SZT2: variants seen among roughly 807,000 people sequenced by gnomAD.
SZT2 encodes SZT2 subunit of KICSTOR complex.
SZT2 carries 216 observed loss-of-function variants against 404.2 expected under a neutral mutation model. The ratio of observed to expected loss-of-function variants is 0.53; its 90% confidence interval spans 0.48 to 0.60. SZT2 has a LOEUF of 0.60. Among genes scored for constraint, SZT2 ranks in the 20% least tolerant of loss-of-function variants. The pLI is 0.00. For synonymous variants in SZT2, 1,693 were observed against 1,749.9 expected (o/e 0.97, Z 0.81); for missense variants, 3,857 against 4,459.2 (o/e 0.86, Z 3.85).
intron 3 of SZT2, 29 bp from the exon 4 acceptor site, chr1:43,404,351 C>G: frequency 6.3e-7 from 1 of 1,593,458 alleles, no homozygotes. Context: ...GCCTTTGGAC[C>G]CCCTTGAGTG....
intron 6 of SZT2, 43 bp from the exon 7 acceptor site, chr1:43,416,492 C>G: frequency 6.4e-7 from 1 of 1,551,460 alleles, no homozygotes; most frequent in Non-Finnish European, 8.8e-7. Flanking sequence ...TGAGTTTGGT[C>G]TGGCCAGTGT....
At position 43,431,303 on chromosome 1, in the gene SZT2, C is replaced by T. The variant is rs756544898; in HGVS notation, c.4955C>T (p.Pro1652Leu). The T allele has an allele frequency of 1.9e-6, 3 of 1,613,092 alleles. No individual in the cohort carries two copies. Among genetic ancestry groups the T allele is most frequent in the East Asian group, 4.5e-5 (2 of 44,874 alleles). Reference protein sequence around the residue: ...SESSASFPRSPGQPSSLRSDD... With the variant: ...SESSASFPRSLGQPSSLRSDD... ...AGCAGTGCTTCATTTCCACGATCCC[C>T]AGGGCAGCCATCATCTTTAAGGTCA... Residue 1652 changes from proline (P) to leucine (L), a missense_variant, in exon 34 of 72, where the codon CCA (proline) becomes CTA (leucine). Around this residue, in one of 7 missense-constraint regions of SZT2, gnomAD observed 1,725 missense variants for 1,881.0 expected, o/e 0.92. Coordinates refer to ENST00000634258, the MANE Select transcript of SZT2 (RefSeq NM_001365999.1).
In SZT2 at chr1:43,442,816, C is replaced by G; in HGVS notation, c.8152-3C>G. The stretch of plus-strand genomic sequence containing the variant: ...GAACCCATTGCAATGCTCCATCTCT[C>G]AGGAGCCAAACCCATTCCTGCTGCC... On this transcript the variant is annotated splice_region_variant and splice_polypyrimidine_tract_variant and intron_variant, in intron 58 of 71. Transcript: ENST00000634258. This position sits in a 1 kb window ranked among gnomAD's most constrained non-coding sequence, Gnocchi z 4.5. 1.3e-6 allele frequency: 2 copies of G among 1,595,154 alleles called. No homozygotes were observed. Among genetic ancestry groups the G allele is most frequent in the East Asian group, 2.2e-5 (1 of 44,754 alleles).
rs1655200382 is a variant in SZT2 at position 43,442,706 on chromosome 1, C to A, written c.8151+88C>A. ...CAGCTCAGAAGCCAGAAAGATGGGA[C>A]AGACTGAGGGCAGAGGTAGTGGGGA... On this transcript the variant is annotated intron_variant, in intron 58 of 71. Transcript: ENST00000634258. This position sits in a 1 kb window ranked among gnomAD's most constrained non-coding sequence, Gnocchi z 4.5. 8.5e-6 allele frequency: 13 copies of A among 1,534,976 alleles called. No individual in the cohort carries two copies. The highest frequency in any genetic ancestry group is 9.6e-6 in the Non-Finnish European group (11 of 1,143,362).
chr1:43,427,149 T>C lies in SZT2; in HGVS notation c.3403T>C (p.Phe1135Leu). The C allele has an allele frequency of 3.7e-6, 6 of 1,614,230 alleles. No individual in the cohort carries two copies. The highest frequency in any genetic ancestry group is 5.1e-6 in the Non-Finnish European group (6 of 1,180,044). Residue 1135 changes from phenylalanine to leucine, a missense_variant, in exon 24 of 72, where the codon TTT becomes CTT. Physicochemically the swap from Phe to Leu is conservative, Grantham distance 22. Coordinates refer to ENST00000634258, the MANE Select transcript of SZT2 (RefSeq NM_001365999.1). ...AAGGCTTGTGAACCCCCAGCATGTG[T>C]TTCTGACTTTTCTCCCAGCTACCTT... ...YARLVNPQHV[F>L]LTFLPATFSD...
intron 1 of SZT2, among the ~76,000 whole-genome samples, chr1:43,401,382 G>A (rs1258592341): frequency 3.3e-5 from 5 of 152,194 alleles, no homozygotes; most frequent in Admixed American, 2.0e-4. Context: ...CCTTTCCACT[G>A]TCTCACAGCT....
rs370691670 is a variant in SZT2, at chr1:43,427,313, G to A, written c.3466G>A (p.Gly1156Arg). ...GCGTCTGGCTGCCTGTGGCCTGGAG[G>A]GACCCCCTCAAGAGGAGACAAAGCC... The part of the protein sequence containing the change: ...VQRLAACGLE[G>R]PPQEETKPKF... The change falls in exon 25 of 72, where the codon GGA (glycine) becomes AGA (arginine). Residue 1156 changes from glycine to arginine, a missense_variant. By Grantham distance (125) the Gly-to-Arg change is moderately radical. Around this residue, in one of 7 missense-constraint regions of SZT2, gnomAD observed 1,725 missense variants for 1,881.0 expected, o/e 0.92. Transcript: ENST00000634258. 34 of 1,612,852 alleles carry A rather than the reference G, an allele frequency of 2.1e-5. No homozygotes were observed. Among genetic ancestry groups the A allele is most frequent in the Non-Finnish European group, 2.8e-5 (33 of 1,179,482 alleles).
rs756016107 is a variant in SZT2, at chr1:43,437,797, C to T, written c.6403C>T (p.Arg2135Cys). 12 of 1,614,132 alleles carry T rather than the reference C, an allele frequency of 7.4e-6. No individual in the cohort carries two copies. Among genetic ancestry groups the T allele is most frequent in the East Asian group, 2.2e-5 (1 of 44,866 alleles). The change falls in exon 46 of 72, where the codon CGT becomes TGT. Residue 2135 changes from arginine (R) to cysteine (C), a missense_variant. Around this residue, in one of 7 missense-constraint regions of SZT2, gnomAD observed 261 missense variants for 372.9 expected, o/e 0.70. Transcript: ENST00000634258. The surrounding 1 kb of genome is among the most constrained non-coding windows in gnomAD (Gnocchi z 5.3). ...ACCACAGTTTTCCCTGTAGGGTCCTCGTTCTCCCTTAGACATGGTCTCTAG... is the reference window on the plus strand; with the variant it reads ...ACCACAGTTTTCCCTGTAGGGTCCTTGTTCTCCCTTAGACATGGTCTCTAG... Reference protein sequence around the residue: ...PIYSEEASGPRSPLDMVSSRS... With the variant: ...PIYSEEASGPCSPLDMVSSRS...
chr1:43,452,397 G>T lies in SZT2; in HGVS notation c.*1917G>T. 1.7e-6 allele frequency: 2 copies of T among 1,170,678 alleles called. No individual in the cohort carries two copies. The highest frequency in any genetic ancestry group is 2.5e-6 in the Non-Finnish European group (2 of 797,158). The allele number at this position is 1,170,678 out of a possible 1,614,324, so 72.5% of individuals were successfully genotyped here. A position where few individuals can be genotyped will look rare whatever the true frequency, so the allele number is the denominator to read the frequency against. ...CTTCCAGGATTCCCTGACTGTGCCA[G>T]CCCTCGTCCGTCTCCCCAGGTCTCC... On this transcript the variant is annotated 3_prime_UTR_variant, in exon 72 of 72. Coordinates refer to ENST00000634258, the MANE Select transcript of SZT2 (RefSeq NM_001365999.1).
intron 63 of SZT2, 67 bp from the exon 64 acceptor site, chr1:43,446,112 G>A (rs768453165): frequency 8.2e-5 from 131 of 1,599,506 alleles, no homozygotes; most frequent in Non-Finnish European, 1.1e-4. Context: ...AGGGTCCAAG[G>A]GACTTCCACC....
rs1648404324 is a variant in SZT2, at chr1:43,391,934, A to ACATTTTTTTTGGTACCAAGTC, written c.27+1939_27+1940insCATTTTTTTTGGTACCAAGTC. ...GTCTCTACTAAAAAAAATACAAAAA[A>ACATTTTTTTTGGTACCAAGTC]TTAGCTGGGCGTGGTGGCGGGCGCC... On this transcript the variant is annotated intron_variant, in intron 1 of 71. Coordinates refer to ENST00000634258, the MANE Select transcript of SZT2 (RefSeq NM_001365999.1). 7.2e-5 allele frequency among the ~76,000 whole-genome samples: 5 copies of ACATTTTTTTTGGTACCAAGTC among 69,202 alleles called. 2 individuals are homozygous for ACATTTTTTTTGGTACCAAGTC. The highest frequency in any genetic ancestry group is 1.2e-4 in the African/African-American group (2 of 16,722). 45.4% of individuals were successfully genotyped at this position (69,202 alleles called of 152,430 possible). A position where few individuals can be genotyped will look rare whatever the true frequency, so the allele number is the denominator to read the frequency against.
rs747476325 is a variant in SZT2, at chr1:43,437,724, A to AT, written c.6396+25dup. ...CGGCATGTATCACTCCCACTCTCTG[A>AT]TGCCCCTGTGTTCCTCTTGCACTTT... On this transcript the variant is annotated intron_variant, in intron 45 of 71. Coordinates refer to ENST00000634258, the MANE Select transcript of SZT2 (RefSeq NM_001365999.1). This position sits in a 1 kb window ranked among gnomAD's most constrained non-coding sequence, Gnocchi z 5.3. 1.1e-4 allele frequency: 183 copies of AT among 1,613,952 alleles called. 1 individual carries two copies. The highest frequency in any genetic ancestry group is 3.0e-5 in the Non-Finnish European group (35 of 1,179,992).
rs1653774788 is a variant in SZT2, at chr1:43,430,765, G to T, written c.4750G>T (p.Val1584Leu). 1 of 1,610,634 alleles carries T rather than the reference G, an allele frequency of 6.2e-7. No individual in the cohort carries two copies. Among genetic ancestry groups the T allele is most frequent in the Non-Finnish European group, 8.5e-7 (1 of 1,178,770 alleles). Reference sequence around the variant, plus strand: ...ACGTGGGCAGCACAGCTCAGTACCTGTGTGCAGCCTGCCTACCTGCCTGGG... The same window carrying T: ...ACGTGGGCAGCACAGCTCAGTACCTTTGTGCAGCCTGCCTACCTGCCTGGG... ...RLRGQHSSVP[V>L]CSLPTCLGQV... Residue 1584 changes from valine (V) to leucine (L), a missense_variant, in exon 32 of 72, where the codon GTG becomes TTG. Val to Leu is a conservative substitution (Grantham distance 32). Around this residue, in one of 7 missense-constraint regions of SZT2, gnomAD observed 1,725 missense variants for 1,881.0 expected, o/e 0.92. Coordinates refer to ENST00000634258, the MANE Select transcript of SZT2 (RefSeq NM_001365999.1).
Position 43,450,707 on chromosome 1 carries a change from A to T in SZT2, c.*227A>T, listed in dbSNP as rs374868188. 1.4e-6 allele frequency: 1 copy of T among 725,610 alleles called. No homozygotes were observed. 44.9% of individuals were successfully genotyped at this position (725,610 alleles called of 1,614,324 possible). On this transcript the variant is annotated 3_prime_UTR_variant, in exon 72 of 72. Coordinates refer to ENST00000634258, the MANE Select transcript of SZT2 (RefSeq NM_001365999.1). This position sits in a 1 kb window ranked among gnomAD's most constrained non-coding sequence, Gnocchi z 4.3. Reference sequence around the variant, plus strand: ...CACTGACCCATCCAGGACTCCAGAGAGTCAGGTCAACCCCGAGGACCCCTT... The same window carrying T: ...CACTGACCCATCCAGGACTCCAGAGTGTCAGGTCAACCCCGAGGACCCCTT...
intron 62 of SZT2, 31 bp downstream of exon 62, chr1:43,443,827 T>C (rs1557597406): frequency 3.7e-6 from 6 of 1,611,756 alleles, no homozygotes; most frequent in Non-Finnish European, 5.1e-6. Flanking sequence ...CCTTCTGTCT[T>C]CTCCTCCTGC....
rs1249075101 is a variant in SZT2 at position 43,432,555 on chromosome 1, G to T, written c.5481G>T (p.Glu1827Asp). 1.9e-6 allele frequency: 3 copies of T among 1,613,458 alleles called. No homozygotes were observed. Among genetic ancestry groups the T allele is most frequent in the Non-Finnish European group, 1.7e-6 (2 of 1,179,722 alleles). The change falls in exon 38 of 72, where the codon GAG becomes GAT. Residue 1827 changes from glutamate to aspartate, a missense_variant. Glu to Asp is a conservative substitution (Grantham distance 45). This residue lies in a region of SZT2 where 1,725 missense variants were observed against 1,881.0 expected (regional missense o/e 0.92). Transcript: ENST00000634258. ...GCCCCCAAGCACCTGGGTCCCCAGA[G>T]GATTCTGAGGGTGTCCCCCTCATCA... ...TASPQAPGSP[E>D]DSEGVPLISL...
In SZT2 at chr1:43,453,426, C is replaced by A; in HGVS notation, c.*2946C>A. On this transcript the variant is annotated 3_prime_UTR_variant, in exon 72 of 72. Coordinates refer to ENST00000634258, the MANE Select transcript of SZT2 (RefSeq NM_001365999.1). ...GCTTTGGCATACCGCACGGCCTGCTCCAGTCCCTCTCGGAAGGCCGCCTGT... is the reference window on the plus strand; with the variant it reads ...GCTTTGGCATACCGCACGGCCTGCTACAGTCCCTCTCGGAAGGCCGCCTGT... The A allele has an allele frequency of 6.4e-7, 1 of 1,561,902 alleles. No individual in the cohort carries two copies. The highest frequency in any genetic ancestry group is 8.7e-7 in the Non-Finnish European group (1 of 1,152,146).
rs769763944 is a variant in SZT2, at chr1:43,448,081, TAC to T, written c.9568_9569del (p.Gln3190ValfsTer18). 6.3e-7 allele frequency: 1 copy of T among 1,598,030 alleles called. No individual in the cohort carries two copies. The highest frequency in any genetic ancestry group is 1.1e-5 in the South Asian group (1 of 89,348). On this transcript the variant is annotated frameshift_variant, in exon 69 of 72. Transcript: ENST00000634258. LOFTEE classifies it high-confidence loss of function. This position sits in a 1 kb window ranked among gnomAD's most constrained non-coding sequence, Gnocchi z 4.2. ...TCCTGCCCTGCTCCCCACCCCAGGC[TAC>T]AGTTCTTCGTGGTGCTCACCAGCCA...
At chr1:43,416,489 G>A (rs1651735060) in intron 6 of SZT2, 46 bp from the exon 7 acceptor site, 1 of 1,532,546 alleles carries the variant, frequency 6.5e-7, no homozygotes, top group Non-Finnish European at 8.9e-7. Flanking sequence ...CTGTGAGTTT[G>A]GTCTGGCCAG....
Sources: allele counts gnomAD v4.1 joint callset (sites outside exome capture counted in the v4.1 genomes callset), GRCh38; gene constraint gnomAD v4.1.1; regional missense constraint gnomAD v4.1.1; non-coding constraint Gnocchi (gnomAD v3.1); transcripts MANE v1.5; gene names NCBI Gene and HGNC (gene_info 2026-07-23, HGNC 2026-07-21).